The following SNTA1 variants were observed in gnomAD, a reference collection of about 807,000 sequenced individuals.
The protein encoded by SNTA1 is alpha-1-syntrophin.
In SNTA1, 31 loss-of-function variants were observed where a neutral mutation model predicts 47.1. The observed-to-expected ratio is 0.66, with a 90% confidence interval of 0.49 to 0.89. The LOEUF (loss-of-function observed/expected upper bound fraction) is 0.89. Ranked by LOEUF, SNTA1 falls within the 40% of genes least tolerant of loss-of-function variation. The probability of loss-of-function intolerance (pLI) is 0.00; values close to 1 mark genes in which losing one functional copy is unlikely to be tolerated. For missense variants in SNTA1, 575 were observed against 693.0 expected, an observed-to-expected ratio of 0.83 and a Z score of 1.91; for synonymous variants, 300 against 313.6, an observed-to-expected ratio of 0.96 and a Z score of 0.46.
chr20:33,443,035 AC>A (rs1037416447), intron 1 of SNTA1, among the ~76,000 whole-genome samples: 1 of 142,368 alleles, frequency 7.0e-6, no homozygotes, highest in Admixed American at 7.0e-5. Flanking sequence ...TACCCCTCAG[AC>A]CCCCCCGCCT....
chr20:33,429,882 C>T (rs1452347345), intron 2 of SNTA1, among the ~76,000 whole-genome samples: 1 of 152,182 alleles, frequency 6.6e-6, no homozygotes, highest in East Asian at 1.9e-4. Flanking sequence ...TCAGCCTCAG[C>T]ATCCCAAGTA....
chr20:33,424,455 C>CT (rs1182844704), intron 2 of SNTA1, among the ~76,000 whole-genome samples: 1 of 151,762 alleles, frequency 6.6e-6, no homozygotes, highest in Admixed American at 6.6e-5. Flanking sequence ...GGGAGGATTG[C>CT]TTGAGCCCAG....
At chr20:33,430,955 A>G (rs559489261) in intron 2 of SNTA1, among the ~76,000 whole-genome samples, 2 of 151,860 alleles carry the variant, frequency 1.3e-5, no homozygotes, top group Non-Finnish European at 2.9e-5. Flanking sequence ...TCTCAAAAAA[A>G]AAAAAAGATT....
intron 2 of SNTA1, among the ~76,000 whole-genome samples, chr20:33,431,883 G>A (rs1042403935): frequency 2.0e-5 from 3 of 152,170 alleles, no homozygotes; most frequent in African/African-American, 7.2e-5. Context: ...ACCACCAGCA[G>A]CAGCCAGGGT....
At chr20:33,421,957 CAAAAAAAA>C (rs34754645) in intron 2 of SNTA1, among the ~76,000 whole-genome samples, 3 of 70,044 alleles carry the variant, frequency 4.3e-5, no homozygotes, top group South Asian at 1.1e-3. Flanking sequence ...ACCCTGTCTC[CAAAAAAAA>C]AAAAAAAAAA....
intron 2 of SNTA1, among the ~76,000 whole-genome samples, chr20:33,419,911 G>A (rs1197613083): frequency 1.3e-5 from 2 of 151,814 alleles, no homozygotes; most frequent in Non-Finnish European, 2.9e-5. Context: ...CTAGTGCAAC[G>A]ACAGCCACTT....
Position 33,417,813 on chromosome 20 carries a change from C to T in SNTA1, c.607G>A (p.Gly203Ser). 6.2e-7 allele frequency: 1 copy of T among 1,614,010 alleles called. No homozygotes were observed. Among genetic ancestry groups the T allele is most frequent in the African/African-American group, 1.3e-5 (1 of 74,996 alleles). The stretch of plus-strand genomic sequence containing the variant: ...TCGCTGAAGTTCCGGGGTGTGGGGC[C>T]AGGGGAGGAAGGCTGCCGCTGAAGG... ...SPLQRQPSSP[G>S]PTPRNFSEAK... is the part of the protein sequence containing the mutation. The change falls in exon 3 of 8, where the codon GGC (glycine) becomes AGC (serine). Residue 203 changes from glycine (G) to serine (S), a missense_variant. Coordinates refer to ENST00000217381, the MANE Select transcript of SNTA1 (RefSeq NM_003098.3).
intron 2 of SNTA1, among the ~76,000 whole-genome samples, chr20:33,431,519 G>A (rs189106607): frequency 1.3e-4 from 19 of 151,732 alleles, no homozygotes; most frequent in Non-Finnish European, 1.9e-4. Context: ...AGGCCGAGGC[G>A]GGTGGATCAC....
intron 2 of SNTA1, among the ~76,000 whole-genome samples, chr20:33,422,535 G>A (rs1161237498): frequency 6.6e-6 from 1 of 151,570 alleles, no homozygotes; most frequent in Non-Finnish European, 1.5e-5. Context: ...CCCAGCACTT[G>A]GGGAGGCTGA....
chr20:33,440,604 C>A (rs1990554875), intron 1 of SNTA1, among the ~76,000 whole-genome samples: 1 of 152,182 alleles, frequency 6.6e-6, no homozygotes, highest in Non-Finnish European at 1.5e-5. Context: ...CAAGATCACA[C>A]CACTGCACTC....
intron 2 of SNTA1, among the ~76,000 whole-genome samples, chr20:33,427,738 G>C (rs938616198): frequency 6.6e-6 from 1 of 152,006 alleles, no homozygotes; most frequent in East Asian, 1.9e-4. Context: ...AAGAGGCTAG[G>C]GACAACTTGA....
At chr20:33,414,224 G>C (rs1989815603) in intron 3 of SNTA1, among the ~76,000 whole-genome samples, 1 of 60,454 alleles carries the variant, frequency 1.7e-5, no homozygotes, top group Non-Finnish European at 3.0e-5. Flanking sequence ...GGCAACAAAA[G>C]CGAAACTCCG....
intron 2 of SNTA1, among the ~76,000 whole-genome samples, chr20:33,418,182 G>C (rs772106367): frequency 1.2e-4 from 18 of 151,286 alleles, no homozygotes; most frequent in Non-Finnish European, 2.4e-4. Context: ...TTTCCCCATG[G>C]TTAATAGACA....
intron 5 of SNTA1, 42 bp downstream of exon 5, chr20:33,412,254 G>A (rs1262768562): frequency 1.3e-6 from 2 of 1,591,722 alleles, no homozygotes; most frequent in African/African-American, 1.3e-5. Flanking sequence ...AGCATCTCCT[G>A]GCAAGTTCTG....
At chr20:33,409,968 G>A (rs1460777738) in intron 6 of SNTA1, among the ~76,000 whole-genome samples, 167 bp downstream of exon 6, 10 of 152,076 alleles carry the variant, frequency 6.6e-5, no homozygotes, top group African/African-American at 2.2e-4. Flanking sequence ...GTTTTGCCAT[G>A]TTTGCCAGAC....
intron 5 of SNTA1, 26 bp from the exon 6 acceptor site, chr20:33,410,357 G>GGCCT: frequency 6.7e-7 from 1 of 1,498,352 alleles, no homozygotes; most frequent in Non-Finnish European, 9.2e-7. Context: ...AGAGGGCTGA[G>GGCCT]CATGAGGCCT....
At chr20:33,413,214 C>T (rs1421537368) in intron 3 of SNTA1, among the ~76,000 whole-genome samples, 2 of 151,982 alleles carry the variant, frequency 1.3e-5, no homozygotes, top group Admixed American at 6.6e-5. Context: ...AGGATGGTCT[C>T]GATCTCCTGA....
chr20:33,410,258 T>A lies in SNTA1; in HGVS notation c.1114A>T (p.Thr372Ser), dbSNP rs1989707288. 1.2e-6 allele frequency: 2 copies of A among 1,612,988 alleles called. No individual in the cohort carries two copies. Among genetic ancestry groups the A allele is most frequent in the Admixed American group, 1.7e-5 (1 of 59,954 alleles). Residue 372 changes from threonine (T) to serine (S), a missense_variant, in exon 6 of 8, where the codon ACG (threonine) becomes TCG (serine). Transcript: ENST00000217381. ...AGGTGAGTGTCCACACCGTGACGCG[T>A]GCCCGTGCGCAGGGCAAAAGAGAGC... ...AELSFALRTGTRHGVDTHLFS... is the reference protein window; with the variant it reads ...AELSFALRTGSRHGVDTHLFS...
At chr20:33,409,747 C>G (rs1989691686) in intron 6 of SNTA1, among the ~76,000 whole-genome samples, 1 of 152,128 alleles carries the variant, frequency 6.6e-6, no homozygotes, top group Non-Finnish European at 1.5e-5. Flanking sequence ...AATTCTGCCT[C>G]AGCCTCCCGA....
Sources: allele counts gnomAD v4.1 joint callset (sites outside exome capture counted in the v4.1 genomes callset), GRCh38; gene constraint gnomAD v4.1.1; transcripts MANE v1.5; gene names NCBI Gene and HGNC (gene_info 2026-07-23, HGNC 2026-07-21).